Variants in ANXA10 observed in about 807,000 individuals in gnomAD.
ANXA10 encodes annexin 14.
A neutral mutation model predicts 53.5 loss-of-function variants in ANXA10; 49 were observed. The ratio of observed to expected loss-of-function variants is 0.92; its 90% CI spans 0.73 to 1.16. The LOEUF (loss-of-function observed/expected upper bound fraction) is 1.16. Among genes scored for constraint, ANXA10 ranks in the 50% most tolerant of loss-of-function variants. ANXA10 has a pLI of 0.00. For synonymous variants in ANXA10, 131 were observed against 128.9 expected, an observed-to-expected ratio of 1.02 and a Z score of -0.11; for missense variants, 393 against 394.4, an observed-to-expected ratio of 1.00 and a Z score of 0.03.
At chr4:168,113,870 G>C (rs1730848809) in intron 1 of ANXA10, among the ~76,000 whole-genome samples, 1 of 152,000 alleles carries the variant, frequency 6.6e-6, no homozygotes, top group Non-Finnish European at 1.5e-5. Flanking sequence ...GCTTTCATTT[G>C]GTTGGAATTA....
chr4:168,171,875 G>A (rs1007044760), intron 6 of ANXA10, among the ~76,000 whole-genome samples: 3 of 152,142 alleles, frequency 2.0e-5, no homozygotes, highest in African/African-American at 7.2e-5. Flanking sequence ...TTTTCAGGAA[G>A]AGAAAGAATG....
intron 2 of ANXA10, among the ~76,000 whole-genome samples, chr4:168,130,632 C>T (rs1040643932): frequency 6.6e-6 from 1 of 151,738 alleles, no homozygotes. Context: ...TAATTACCAC[C>T]GACTTAAGTT....
chr4:168,108,560 C>T (rs1730753323), intron 1 of ANXA10, among the ~76,000 whole-genome samples: 1 of 152,154 alleles, frequency 6.6e-6, no homozygotes, highest in South Asian at 2.1e-4. Flanking sequence ...GTCATTCCTT[C>T]TAAAGGAGAA....
intron 3 of ANXA10, among the ~76,000 whole-genome samples, chr4:168,152,876 A>G (rs560645334): frequency 6.6e-6 from 1 of 151,604 alleles, no homozygotes; most frequent in East Asian, 1.9e-4. Context: ...AAGGTCTCAC[A>G]GTTAGTCACT....
chr4:168,187,521 A>G lies in ANXA10; in HGVS notation c.*87A>G. The G allele has an allele frequency of 3.9e-6, 3 of 764,310 alleles. No individual in the cohort carries two copies. Among genetic ancestry groups the G allele is most frequent in the South Asian group, 3.0e-5 (1 of 33,678 alleles). 47.3% of individuals were successfully genotyped at this position (764,310 alleles called of 1,614,324 possible). A position where few individuals can be genotyped will look rare whatever the true frequency, so the allele number is the denominator to read the frequency against. Reference sequence around the variant, plus strand: ...CTCACAAATTTGTACTGTTCATGGCACTATTAACAAAACTATACAATCATA... The same window carrying G: ...CTCACAAATTTGTACTGTTCATGGCGCTATTAACAAAACTATACAATCATA... On this transcript the variant is annotated 3_prime_UTR_variant, in exon 12 of 12. Coordinates refer to ENST00000359299, the MANE Select transcript of ANXA10 (RefSeq NM_007193.5).
intron 6 of ANXA10, among the ~76,000 whole-genome samples, chr4:168,168,551 C>G (rs1381039804): frequency 6.6e-6 from 1 of 152,078 alleles, no homozygotes; most frequent in Non-Finnish European, 1.5e-5. Flanking sequence ...TCCCGAGTAG[C>G]TGGGATTACA....
chr4:168,162,759 T>G, intron 4 of ANXA10, 118 bp downstream of exon 4: 1 of 769,076 alleles, frequency 1.3e-6, no homozygotes, highest in Non-Finnish European at 2.2e-6. Context: ...GGAGGGAATA[T>G]CTAAACAATG....
intron 1 of ANXA10, among the ~76,000 whole-genome samples, chr4:168,110,109 G>T (rs909809708): frequency 6.6e-6 from 1 of 152,212 alleles, no homozygotes; most frequent in African/African-American, 2.4e-5. Flanking sequence ...TACTCAAGAG[G>T]CTGAGGCAGG....
At chr4:168,185,408 G>A (rs1222216443) in intron 11 of ANXA10, among the ~76,000 whole-genome samples, 1 of 152,222 alleles carries the variant, frequency 6.6e-6, no homozygotes, top group Non-Finnish European at 1.5e-5. Context: ...AGGCAGGGCA[G>A]TCAGTCAAAT....
intron 1 of ANXA10, among the ~76,000 whole-genome samples, chr4:168,120,237 AC>A (rs1475799009): frequency 1.3e-5 from 2 of 152,104 alleles, no homozygotes; most frequent in Non-Finnish European, 1.5e-5. Context: ...GAAGCCTCGA[AC>A]CTAGAAATAG....
At chr4:168,128,742 C>T (rs1224766200) in intron 2 of ANXA10, among the ~76,000 whole-genome samples, 1 of 151,978 alleles carries the variant, frequency 6.6e-6, no homozygotes, top group Non-Finnish European at 1.5e-5. Flanking sequence ...GCTATGCCAA[C>T]CCCCCAGGCA....
chr4:168,155,840 T>TATTATATATTATATA (rs1731632119), intron 3 of ANXA10, among the ~76,000 whole-genome samples: 1 of 6,168 alleles, frequency 1.6e-4, no homozygotes, highest in Admixed American at 2.3e-3. Flanking sequence ...ATATATCATA[T>TATTATATATTATATA]ATAATATAAT....
chr4:168,179,113 T>C lies in ANXA10; in HGVS notation c.629-104T>C, dbSNP rs191641911. 1.3e-3 allele frequency: 976 copies of C among 725,014 alleles called. 6 individuals are homozygous for C. The African/African-American group carries it at 0.015, about 11-fold the overall frequency. 44.9% of individuals were successfully genotyped at this position (725,014 alleles called of 1,614,324 possible). ...AACAGAATTGATAACAGTAGTACTT[T>C]TAATTATTTTATGGAAAATATGGAT... is the stretch of plus-strand genomic sequence containing the variant. On this transcript the variant is annotated intron_variant, in intron 8 of 11. Transcript: ENST00000359299.
intron 1 of ANXA10, among the ~76,000 whole-genome samples, chr4:168,094,890 T>G (rs77519488): frequency 0.024 from 3,585 of 152,164 alleles, 134 homozygotes; most frequent in African/African-American, 0.078. Context: ...CTTGTTACAT[T>G]AAGAAGGAAA....
chr4:168,136,849 G>A (rs1435858924), intron 2 of ANXA10, among the ~76,000 whole-genome samples: 4 of 152,194 alleles, frequency 2.6e-5, no homozygotes, highest in Admixed American at 2.6e-4. Flanking sequence ...CTTAGTAGAG[G>A]TTCCTCATGA....
rs761784791 is a variant in ANXA10, at chr4:168,184,688, T to C, written c.906+7T>C. On this transcript the variant is annotated splice_region_variant and intron_variant, in intron 11 of 11. Coordinates refer to ENST00000359299, the MANE Select transcript of ANXA10 (RefSeq NM_007193.5). ...CCTATTTCATGATATCAGAGTAAGT[T>C]TCCGACACATGATTTATTTGGACCC... is the stretch of plus-strand genomic sequence containing the variant. The C allele has an allele frequency of 1.2e-6, 2 of 1,611,928 alleles. No individual in the cohort carries two copies. The highest frequency in any genetic ancestry group is 1.1e-5 in the South Asian group (1 of 90,820).
In ANXA10 at chr4:168,092,710, G is replaced by A; in HGVS notation, c.10G>A (p.Gly4Arg). 1.3e-6 allele frequency: 2 copies of A among 1,591,878 alleles called. No homozygotes were observed. The highest frequency in any genetic ancestry group is 1.1e-5 in the South Asian group (1 of 86,996). ...AACAATTACCATCAAAATGTTTTGT[G>A]GAGACTATGTGAGTATAATGCTTAT... is the stretch of plus-strand genomic sequence containing the variant. MFCGDYVQGTIFPA... is the reference protein window; with the variant it reads MFCRDYVQGTIFPA... The change falls in exon 1 of 12, where the codon GGA becomes AGA. Residue 4 changes from glycine (G) to arginine (R), a missense_variant. By Grantham distance (125) the Gly-to-Arg change is moderately radical. Coordinates refer to ENST00000359299, the MANE Select transcript of ANXA10 (RefSeq NM_007193.5).
At chr4:168,150,197 G>C (rs1228130178) in intron 3 of ANXA10, among the ~76,000 whole-genome samples, 4 of 152,068 alleles carry the variant, frequency 2.6e-5, no homozygotes, top group African/African-American at 9.7e-5. Flanking sequence ...CTTTTTATCA[G>C]GTATTTGAAA....
At position 168,184,621 on chromosome 4, in the gene ANXA10, G is replaced by C. The variant is rs924752253; in HGVS notation, c.846G>C (p.Leu282=). 5.6e-6 allele frequency: 9 copies of C among 1,613,854 alleles called. No homozygotes were observed. Among genetic ancestry groups the C allele is most frequent in the African/African-American group, 5.3e-5 (4 of 74,906 alleles). Residue 282 remains leucine, a synonymous_variant, in exon 11 of 12, where the codon CTG becomes CTC. Transcript: ENST00000359299. ...RILIARSEID[L]LTIRKRYKER... ...TCATTGCCAGAAGTGAAATAGACCT[G>C]CTGACCATAAGGAAACGATACAAAG...
Sources: allele counts gnomAD v4.1 joint callset (sites outside exome capture counted in the v4.1 genomes callset), GRCh38; gene constraint gnomAD v4.1.1; transcripts MANE v1.5; gene names NCBI Gene and HGNC (gene_info 2026-07-23, HGNC 2026-07-21).